ANKRD31: variants seen among roughly 807,000 people sequenced by gnomAD.
ANKRD31 encodes ankyrin repeat domain 31.
Under a neutral mutation model 186.0 loss-of-function variants are expected in ANKRD31, and 147 were observed. That is an observed-to-expected ratio of 0.79 (90% CI 0.69 to 0.91). ANKRD31 has a LOEUF of 0.91. Among genes scored for constraint, ANKRD31 ranks in the 40% least tolerant of loss-of-function variants. The pLI, the probability that ANKRD31 is intolerant of heterozygous loss-of-function variation, is 0.00. For synonymous variants in ANKRD31, 673 were observed against 736.4 expected (o/e 0.91, Z 1.39); for missense variants, 1,986 against 2,148.8 (o/e 0.92, Z 1.50).
At chr5:75,129,109 C>T (rs1209099581) in intron 17 of ANKRD31, among the ~76,000 whole-genome samples, 1 of 152,038 alleles carries the variant, frequency 6.6e-6, no homozygotes, top group African/African-American at 2.4e-5. Context: ...CTAGTGCTAC[C>T]TCTTGACAGA....
intron 17 of ANKRD31, among the ~76,000 whole-genome samples, chr5:75,136,295 A>T (rs983112939): frequency 6.6e-6 from 1 of 152,232 alleles, no homozygotes; most frequent in Non-Finnish European, 1.5e-5. Context: ...AGACTCTACA[A>T]AGAACTTAAA....
At chr5:75,113,905 T>C (rs912893505) in intron 19 of ANKRD31, among the ~76,000 whole-genome samples, 1 of 152,192 alleles carries the variant, frequency 6.6e-6, no homozygotes, top group Non-Finnish European at 1.5e-5. Context: ...CTAAGCTCTA[T>C]CCACAGATTA....
chr5:75,168,016 T>C (rs1753044048), intron 11 of ANKRD31, among the ~76,000 whole-genome samples: 1 of 151,976 alleles, frequency 6.6e-6, no homozygotes, highest in Non-Finnish European at 1.5e-5. Flanking sequence ...TGGGAAGAAT[T>C]CTCTCCTCCT....
At chr5:75,173,990 T>C (rs1440468496) in intron 10 of ANKRD31, among the ~76,000 whole-genome samples, 1 of 152,120 alleles carries the variant, frequency 6.6e-6, no homozygotes, top group Admixed American at 6.5e-5. Context: ...ACTACAAGGT[T>C]ACAGTAATCA....
chr5:75,129,319 C>A (rs146584846), intron 17 of ANKRD31, among the ~76,000 whole-genome samples: 5 of 152,290 alleles, frequency 3.3e-5, no homozygotes, highest in African/African-American at 1.2e-4. Context: ...ATAAAGCACC[C>A]AGCCTCAGGT....
Position 75,146,994 on chromosome 5 carries a change from T to C in ANKRD31, c.2417A>G (p.Lys806Arg), listed in dbSNP as rs1176040609. ...ATCCAGGTTCTGGATGTGTTTCTCTTTGGAAACTGAACAAGCCTCAGTACT... is the reference window on the plus strand; with the variant it reads ...ATCCAGGTTCTGGATGTGTTTCTCTCTGGAAACTGAACAAGCCTCAGTACT... ...DSSTEACSVS[K>R]EKHIQNLDLS... The change falls in exon 14 of 26, where the codon AAA becomes AGA. Residue 806 changes from lysine (K) to arginine (R), a missense_variant. By Grantham distance (26) the Lys-to-Arg change is conservative (BLOSUM62 2). Coordinates refer to ENST00000506364, the MANE Select transcript of ANKRD31 (RefSeq NM_001372053.1). The C allele has an allele frequency of 9.1e-6, 14 of 1,536,240 alleles. No individual in the cohort carries two copies. Among genetic ancestry groups the C allele is most frequent in the African/African-American group, 2.7e-5 (2 of 72,972 alleles).
In ANKRD31 at chr5:75,104,881, T is replaced by A; in HGVS notation, c.4678A>T (p.Asn1560Tyr). The change falls in exon 22 of 26, where the codon AAT becomes TAT. Residue 1560 changes from asparagine to tyrosine, a missense_variant. By Grantham distance (143) the Asn-to-Tyr change is moderately radical. Coordinates refer to ENST00000506364, the MANE Select transcript of ANKRD31 (RefSeq NM_001372053.1). Reference sequence around the variant, plus strand: ...TCTCCCCTTCTCACTGCCTCTGAATTTAGACAAATGTTGGTATTTTGGCTG... The same window carrying A: ...TCTCCCCTTCTCACTGCCTCTGAATATAGACAAATGTTGGTATTTTGGCTG... ...NYSQNTNICL[N>Y]SEAVRRGEFS... 1 of 1,537,220 alleles carries A rather than the reference T, an allele frequency of 6.5e-7. No homozygotes were observed. Among genetic ancestry groups the A allele is most frequent in the Non-Finnish European group, 8.7e-7 (1 of 1,146,886 alleles).
intron 17 of ANKRD31, among the ~76,000 whole-genome samples, chr5:75,133,878 A>C (rs72620400): frequency 6.6e-6 from 1 of 152,192 alleles, no homozygotes; most frequent in Non-Finnish European, 1.5e-5. Flanking sequence ...AAACCGCTCA[A>C]ATACATGGAA....
At chr5:75,192,115 C>T (rs569907274) in intron 9 of ANKRD31, among the ~76,000 whole-genome samples, 35 of 152,218 alleles carry the variant, frequency 2.3e-4, no homozygotes, top group African/African-American at 7.5e-4. Context: ...CAAAGATGTA[C>T]GCTTATATCG....
At chr5:75,132,693 C>A (rs1580389677) in intron 17 of ANKRD31, among the ~76,000 whole-genome samples, 1 of 152,114 alleles carries the variant, frequency 6.6e-6, no homozygotes, top group Admixed American at 6.5e-5. Flanking sequence ...TCAAGAAGAG[C>A]AACTCCAAGA....
chr5:75,209,548 AC>A (rs2150284240), intron 4 of ANKRD31, among the ~76,000 whole-genome samples: 1 of 152,216 alleles, frequency 6.6e-6, no homozygotes. Context: ...AAGGTGGCAC[AC>A]ACCTGTAGTC....
chr5:75,134,131 A>C (rs8188481), intron 17 of ANKRD31, among the ~76,000 whole-genome samples: 1 of 152,176 alleles, frequency 6.6e-6, no homozygotes, highest in Non-Finnish European at 1.5e-5. Flanking sequence ...AAACACATTC[A>C]AAAGCTAGCA....
chr5:75,075,047 C>A (rs1470134693), intron 25 of ANKRD31, among the ~76,000 whole-genome samples: 1 of 152,160 alleles, frequency 6.6e-6, no homozygotes, highest in Admixed American at 6.5e-5. Flanking sequence ...GTTTATTACA[C>A]CTACCTTAAA....
chr5:75,125,914 A>T (rs1749214100), intron 17 of ANKRD31, among the ~76,000 whole-genome samples: 1 of 152,206 alleles, frequency 6.6e-6, no homozygotes, highest in South Asian at 2.1e-4. Flanking sequence ...AAAAAAAATC[A>T]GGCTTACTGA....
In ANKRD31 at chr5:75,168,435, A is replaced by G. The variant is rs545512720; in HGVS notation, c.1707+544T>C. On this transcript the variant is annotated intron_variant, in intron 11 of 25. Transcript: ENST00000506364. ...ATAAATATGGTTTCTGAGATAAACC[A>G]TGTATACTAGAATTCATAATCTTAA... Among the ~76,000 whole-genome samples, 4 of 152,354 alleles carry G rather than the reference A, an allele frequency of 2.6e-5. No individual in the cohort carries two copies. In the South Asian group the frequency reaches 6.2e-4, roughly 24 times the overall value.
At chr5:75,096,676 T>C (rs1426536807) in intron 22 of ANKRD31, among the ~76,000 whole-genome samples, 3 of 151,836 alleles carry the variant, frequency 2.0e-5, no homozygotes, top group Admixed American at 2.0e-4. Flanking sequence ...ATTTTTTTTT[T>C]ATTATACTTT....
chr5:75,206,720 G>A (rs1401403902), intron 4 of ANKRD31, among the ~76,000 whole-genome samples: 1 of 152,116 alleles, frequency 6.6e-6, no homozygotes, highest in Non-Finnish European at 1.5e-5. Flanking sequence ...CCTGAGGAGT[G>A]TATACAAGCT....
intron 25 of ANKRD31, among the ~76,000 whole-genome samples, chr5:75,076,442 C>T (rs1223622638): frequency 3.3e-5 from 5 of 152,188 alleles, no homozygotes; most frequent in Admixed American, 2.0e-4. Context: ...AACTCAGGAA[C>T]AGCCAAATGG....
chr5:75,071,111 G>A (rs568904587), intron 25 of ANKRD31, among the ~76,000 whole-genome samples: 1 of 152,066 alleles, frequency 6.6e-6, no homozygotes, highest in Admixed American at 6.5e-5. Flanking sequence ...GTAAAACACA[G>A]TTAAAAGCTC....
Sources: allele counts gnomAD v4.1 joint callset (sites outside exome capture counted in the v4.1 genomes callset), GRCh38; gene constraint gnomAD v4.1.1; transcripts MANE v1.5; gene names NCBI Gene and HGNC (gene_info 2026-07-23, HGNC 2026-07-21).